GALNT18: variants seen among roughly 807,000 people sequenced by gnomAD.
GALNT18 encodes the protein polypeptide N-acetylgalactosaminyltransferase 18.
Under a neutral mutation model 69.5 loss-of-function variants are expected in GALNT18, and 44 were observed. The ratio of observed to expected loss-of-function variants is 0.63; its 90% CI spans 0.50 to 0.81. GALNT18 has a LOEUF of 0.81. Among genes scored for constraint, GALNT18 ranks in the 40% least tolerant of loss-of-function variants. The pLI, the probability that GALNT18 is intolerant of heterozygous loss-of-function variation, is 0.00. For missense variants in GALNT18, 715 were observed against 810.0 expected (o/e 0.88, Z 1.42); for synonymous variants, 364 against 318.2 (o/e 1.14, Z -1.53).
chr11:11,596,130 T>C lies in GALNT18; in HGVS notation c.235+25229A>G, dbSNP rs1158459052. Among the ~76,000 whole-genome samples, 2 of 152,214 alleles carry C rather than the reference T, an allele frequency of 1.3e-5. No homozygotes were observed. Among genetic ancestry groups the C allele is most frequent in the Non-Finnish European group, 2.9e-5 (2 of 68,024 alleles). ...TATCCAGTTGTTCCAGCACCATGTG[T>C]TAAAAGACTATTCTTTCCCCCCTTT... On this transcript the variant is annotated intron_variant, in intron 1 of 10. Coordinates refer to ENST00000227756, the MANE Select transcript of GALNT18 (RefSeq NM_198516.3). This position sits in a 1 kb window ranked among gnomAD's most constrained non-coding sequence, Gnocchi z 4.2.
At chr11:11,281,780 G>C (rs1352990858) in intron 10 of GALNT18, among the ~76,000 whole-genome samples, 1 of 152,106 alleles carries the variant, frequency 6.6e-6, no homozygotes, top group East Asian at 1.9e-4. Context: ...TGCCTGAAGG[G>C]ATGTGGGAAG....
chr11:11,292,830 C>A (rs1247368099), intron 10 of GALNT18, among the ~76,000 whole-genome samples, 199 bp downstream of exon 10: 1 of 152,140 alleles, frequency 6.6e-6, no homozygotes, highest in African/African-American at 2.4e-5. Context: ...GGTCAATAGT[C>A]AACACATGAG....
intron 9 of GALNT18, among the ~76,000 whole-genome samples, chr11:11,303,384 C>T (rs1849529352): frequency 6.6e-6 from 1 of 152,204 alleles, no homozygotes; most frequent in South Asian, 2.1e-4. Flanking sequence ...TCTCCCTTGG[C>T]TCATGTTTCC....
chr11:11,299,225 A>T (rs1228198659), intron 9 of GALNT18, among the ~76,000 whole-genome samples: 1 of 151,898 alleles, frequency 6.6e-6, no homozygotes. Context: ...GCTCACTGCA[A>T]CCTCCGCCTC....
chr11:11,293,547 T>TTC (rs1447972050), intron 9 of GALNT18, among the ~76,000 whole-genome samples: 3 of 143,320 alleles, frequency 2.1e-5, no homozygotes, highest in Admixed American at 7.0e-5. Context: ...TTTTTTTTTT[T>TTC]TTTTTTTTTT....
intron 8 of GALNT18, among the ~76,000 whole-genome samples, chr11:11,330,542 G>A (rs1037099348): frequency 4.6e-5 from 7 of 152,200 alleles, no homozygotes; most frequent in African/African-American, 1.7e-4. Context: ...GTGGGCTGAT[G>A]AATGTGTAGG....
rs147574430 is a variant in GALNT18, at chr11:11,285,354, C to T, written c.1677+7675G>A. 1.6e-3 allele frequency among the ~76,000 whole-genome samples: 243 copies of T among 152,204 alleles called. 2 individuals are homozygous for T. Among genetic ancestry groups the T allele is most frequent in the Middle Eastern group, 0.01 (3 of 294 alleles). ...GATAATTATAGTAAGTACCTTATAGCGCTATCATAGGGATTAAGTAACATT... is the reference window on the plus strand; with the variant it reads ...GATAATTATAGTAAGTACCTTATAGTGCTATCATAGGGATTAAGTAACATT... On this transcript the variant is annotated intron_variant, in intron 10 of 10. Transcript: ENST00000227756.
rs1365687657 is a variant in GALNT18 at position 11,591,324 on chromosome 11, T to C, written c.235+30035A>G. Among the ~76,000 whole-genome samples, 1 of 152,232 alleles carries C rather than the reference T, an allele frequency of 6.6e-6. No homozygotes were observed. The highest frequency in any genetic ancestry group is 1.5e-5 in the Non-Finnish European group (1 of 68,040). On this transcript the variant is annotated intron_variant, in intron 1 of 10. Coordinates refer to ENST00000227756, the MANE Select transcript of GALNT18 (RefSeq NM_198516.3). The surrounding 1 kb of genome is among the most constrained non-coding windows in gnomAD (Gnocchi z 4.8). The stretch of plus-strand genomic sequence containing the variant: ...CACACTGATAATACTGTGTTAACAA[T>C]GCATTTCTCAGAACATATCCCCATC...
At chr11:11,594,848 T>TATAA (rs1488821833) in intron 1 of GALNT18, among the ~76,000 whole-genome samples, 1 of 114,290 alleles carries the variant, frequency 8.7e-6, no homozygotes. Flanking sequence ...TATACACATA[T>TATAA]ACATACATAC....
chr11:11,321,460 G>T (rs1432792473), intron 9 of GALNT18, among the ~76,000 whole-genome samples: 1 of 151,930 alleles, frequency 6.6e-6, no homozygotes. Flanking sequence ...GCCCAGAGAA[G>T]ATTAAGGTGA....
chr11:11,432,899 T>C lies in GALNT18; in HGVS notation c.429-112A>G, dbSNP rs1855308281. The C allele has an allele frequency of 1.0e-6, 1 of 983,116 alleles. No individual in the cohort carries two copies. The highest frequency in any genetic ancestry group is 2.7e-5 in the Admixed American group (1 of 37,544). The allele number at this position is 983,116 out of a possible 1,614,324, so 60.9% of individuals were successfully genotyped here. ...TGCTGGAGGGCTCGGGAGTCCAGAT[T>C]CTTCCAAGGGCCCCTTCTTTGATGC... On this transcript the variant is annotated intron_variant, in intron 2 of 10. Coordinates refer to ENST00000227756, the MANE Select transcript of GALNT18 (RefSeq NM_198516.3). The surrounding 1 kb of genome is among the most constrained non-coding windows in gnomAD (Gnocchi z 5.8).
At chr11:11,508,992 C>T (rs1857120606) in intron 1 of GALNT18, among the ~76,000 whole-genome samples, 1 of 152,170 alleles carries the variant, frequency 6.6e-6, no homozygotes, top group Admixed American at 6.5e-5. Context: ...TCAGGCTCAA[C>T]CAGATCTGGC....
chr11:11,368,388 A>T (rs955078930), intron 6 of GALNT18, among the ~76,000 whole-genome samples: 16 of 152,176 alleles, frequency 1.1e-4, no homozygotes, highest in African/African-American at 2.9e-4. Context: ...TCATTTATTT[A>T]AATATGTTTT....
At chr11:11,535,820 C>CT (rs1053890643) in intron 1 of GALNT18, among the ~76,000 whole-genome samples, 1 of 152,204 alleles carries the variant, frequency 6.6e-6, no homozygotes, top group African/African-American at 2.4e-5. Context: ...GCCCTGGGGA[C>CT]TGTTGTATGC....
At chr11:11,551,730 T>C (rs1858196417) in intron 1 of GALNT18, among the ~76,000 whole-genome samples, 3 of 152,208 alleles carry the variant, frequency 2.0e-5, no homozygotes. Flanking sequence ...AGGCTTTGTG[T>C]GGGCAACATG....
Position 11,493,651 on chromosome 11 carries a change from T to C in GALNT18, c.236-44715A>G, listed in dbSNP as rs116367374. ...ATGTTATCTACGTCTCAAGATTTTT[T>C]GGAAAAAAAGCCATGAGGTACACCC... On this transcript the variant is annotated intron_variant, in intron 1 of 10. Transcript: ENST00000227756. Among the ~76,000 whole-genome samples, 1,358 of 152,288 alleles carry C rather than the reference T, an allele frequency of 8.9e-3. 8 individuals carry two copies. Among genetic ancestry groups the C allele is most frequent in the African/African-American group, 0.011 (472 of 41,566 alleles).
chr11:11,383,373 T>C lies in GALNT18; in HGVS notation c.596-4109A>G, dbSNP rs1853967823. On this transcript the variant is annotated intron_variant, in intron 3 of 10. Coordinates refer to ENST00000227756, the MANE Select transcript of GALNT18 (RefSeq NM_198516.3). This position sits in a 1 kb window ranked among gnomAD's most constrained non-coding sequence, Gnocchi z 5.2. ...AAGGGTCTGGCATGGAGGCTGTTAA[T>C]CTGATTTAAGTACTTAATGGGACAC... 6.6e-6 allele frequency among the ~76,000 whole-genome samples: 1 copy of C among 152,214 alleles called. No individual in the cohort carries two copies. The highest frequency in any genetic ancestry group is 6.5e-5 in the Admixed American group (1 of 15,292).
intron 10 of GALNT18, among the ~76,000 whole-genome samples, chr11:11,273,930 TAA>T (rs1303084656): frequency 4.6e-5 from 7 of 152,182 alleles, no homozygotes; most frequent in Non-Finnish European, 1.5e-5. Flanking sequence ...TCTGCAGCTC[TAA>T]GAGAGATCCA....
intron 9 of GALNT18, among the ~76,000 whole-genome samples, chr11:11,300,772 C>G (rs1849480831): frequency 6.6e-6 from 1 of 152,176 alleles, no homozygotes; most frequent in African/African-American, 2.4e-5. Context: ...GGGTCTCCAC[C>G]TTGGCTGCAG....
Sources: gnomAD v4.1 joint callset for allele counts (sites outside exome capture counted in the v4.1 genomes callset) on GRCh38, gnomAD v4.1.1 for gene constraint, Gnocchi (gnomAD v3.1) non-coding constraint, MANE v1.5 for transcripts, NCBI Gene and HGNC (gene_info 2026-07-23, HGNC 2026-07-21) for gene names.